Variants in C13orf46 observed in about 807,000 individuals in gnomAD.
C13orf46 encodes chromosome 13 open reading frame 46, also known as uncharacterized protein C13orf46.
intron 6 of C13orf46, among the ~76,000 whole-genome samples, chr13:113,958,641 G>A (rs915128954): frequency 6.6e-6 from 1 of 152,254 alleles, no homozygotes; most frequent in Non-Finnish European, 1.5e-5. Context: ...TGGGGCAATG[G>A]ACAGACGGCT....
intron 6 of C13orf46, among the ~76,000 whole-genome samples, chr13:113,958,772 G>A (rs2052563286): frequency 6.6e-6 from 1 of 152,110 alleles, no homozygotes; most frequent in Non-Finnish European, 1.5e-5. Context: ...CTAGCGGACT[G>A]CCCAGGGACA....
At chr13:113,942,887 G>A in the C13orf46 span, among the ~76,000 whole-genome samples, 4 of 152,210 alleles carry the variant, frequency 2.6e-5, no homozygotes, top group Admixed American at 2.0e-4. Context: ...CCCAGTGCCC[G>A]CCGGAGGTGA....
At chr13:113,960,255 C>A (rs1470701675) in intron 6 of C13orf46, among the ~76,000 whole-genome samples, 6 of 150,722 alleles carry the variant, frequency 4.0e-5, no homozygotes, top group Admixed American at 1.3e-4. Context: ...GACTCTGTCT[C>A]AAAAAAAAAG....
chr13:113,955,186 AGAG>A lies in C13orf46; in HGVS notation c.*1584_*1586del, dbSNP rs1440541499. Reference sequence around the variant, plus strand: ...CGAGGAGAGGAGGAGCATCTGGTGGAGAGGAGGAGCATCCCGTGGAGACGAGGA... The same window carrying A: ...CGAGGAGAGGAGGAGCATCTGGTGGAGAGGAGCATCCCGTGGAGACGAGGA... On this transcript the variant is annotated 3_prime_UTR_variant, in exon 7 of 7. Coordinates refer to ENST00000636427, the MANE Select transcript of C13orf46 (RefSeq NM_001365455.2). 1.0e-5 allele frequency: 2 copies of A among 198,672 alleles called. No individual in the cohort carries two copies. The highest frequency in any genetic ancestry group is 2.0e-5 in the Non-Finnish European group (2 of 101,646). The allele number at this position is 198,672 out of a possible 1,614,324, so 12.3% of individuals were successfully genotyped here. A position where few individuals can be genotyped will look rare whatever the true frequency, so the allele number is the denominator to read the frequency against.
At chr13:113,949,548 CCGGATTCCTCT>C (rs1365801321), downstream of C13orf46, among the ~76,000 whole-genome samples, 1 of 152,240 alleles carries the variant, frequency 6.6e-6, no homozygotes, top group African/African-American at 2.4e-5. Flanking sequence ...GGAGTGCTCT[CCGGATTCCTCT>C]TTTTGCCTAA....
chr13:113,927,263 T>A, the C13orf46 span: 3 of 327,186 alleles, frequency 9.2e-6, no homozygotes, highest in East Asian at 1.4e-4. Context: ...AACTCTCAGC[T>A]AGGGGCTAAG....
the C13orf46 span, among the ~76,000 whole-genome samples, chr13:113,945,608 G>T: frequency 1.7e-5 from 1 of 57,380 alleles, no homozygotes; most frequent in Non-Finnish European, 3.6e-5. Flanking sequence ...AAAGAAAGAA[G>T]AAAGAAAGAA....
the C13orf46 span, among the ~76,000 whole-genome samples, chr13:113,940,133 G>A: frequency 0.05 from 7,616 of 152,318 alleles, 277 homozygotes; most frequent in South Asian, 0.093. Flanking sequence ...CGGGGGCTGC[G>A]CCTCGGCCTC....
intron 5 of C13orf46, among the ~76,000 whole-genome samples, chr13:113,965,854 GTGGTGATGATGGTGATGGTGA>G (rs2052635969): frequency 8.0e-6 from 1 of 125,108 alleles, no homozygotes; most frequent in Non-Finnish European, 1.7e-5. Flanking sequence ...GATGGTGATG[GTGGTGATGATGGTGATGGTGA>G]TGATGGTGGT....
At chr13:113,936,656 G>T in the C13orf46 span, among the ~76,000 whole-genome samples, 1 of 152,162 alleles carries the variant, frequency 6.6e-6, no homozygotes, top group African/African-American at 2.4e-5. Context: ...AGAGACCAGG[G>T]TCTCTCAAGG....
At chr13:113,941,459 G>A in the C13orf46 span, among the ~76,000 whole-genome samples, 23 of 142,230 alleles carry the variant, frequency 1.6e-4, no homozygotes, top group Admixed American at 4.9e-4. Context: ...GAGCGTTCGA[G>A]ATCCTGGTCT....
intron 2 of C13orf46, among the ~76,000 whole-genome samples, chr13:113,969,412 T>C (rs1344663860): frequency 6.6e-6 from 1 of 152,244 alleles, no homozygotes; most frequent in African/African-American, 2.4e-5. Flanking sequence ...TCAGCTTCCC[T>C]GAGCTCTACG....
the C13orf46 span, among the ~76,000 whole-genome samples, chr13:113,929,006 A>G: frequency 2.2e-4 from 34 of 152,226 alleles, no homozygotes; most frequent in Admixed American, 1.0e-3. Flanking sequence ...GCCGGAACCA[A>G]TGGGCTCCAG....
At chr13:113,972,357 G>A (rs1238861205) in intron 1 of C13orf46, among the ~76,000 whole-genome samples, 1 of 152,192 alleles carries the variant, frequency 6.6e-6, no homozygotes, top group Non-Finnish European at 1.5e-5. Context: ...ACTCAGAGAA[G>A]AACACATATT....
At position 113,954,052 on chromosome 13, in the gene C13orf46, G is replaced by A. The variant is rs2052501254; in HGVS notation, c.*2721C>T. 1 of 152,270 alleles carries A rather than the reference G, an allele frequency of 6.6e-6. No individual in the cohort carries two copies. Among genetic ancestry groups the A allele is most frequent in the South Asian group, 2.1e-4 (1 of 4,834 alleles). 9.4% of individuals were successfully genotyped at this position (152,270 alleles called of 1,614,324 possible). On this transcript the variant is annotated 3_prime_UTR_variant, in exon 7 of 7. Coordinates refer to ENST00000636427, the MANE Select transcript of C13orf46 (RefSeq NM_001365455.2). Reference sequence around the variant, plus strand: ...GGATGGTGCCCCACTTTGATCAGAGGAAACTACCCAGTGGGACAAGCTCTG... The same window carrying A: ...GGATGGTGCCCCACTTTGATCAGAGAAAACTACCCAGTGGGACAAGCTCTG...
chr13:113,969,273 G>A (rs909720731), intron 2 of C13orf46, among the ~76,000 whole-genome samples: 2 of 152,240 alleles, frequency 1.3e-5, no homozygotes, highest in African/African-American at 2.4e-5. Flanking sequence ...CAGGGGCTCC[G>A]CCACCATCTG....
At chr13:113,930,813 G>A in the C13orf46 span, among the ~76,000 whole-genome samples, 12 of 152,184 alleles carry the variant, frequency 7.9e-5, no homozygotes, top group African/African-American at 2.7e-4. Flanking sequence ...TAGCAGCCCC[G>A]GTCCTCCAGG....
Position 113,971,831 on chromosome 13 carries a change from G to A in C13orf46, c.191-1609C>T, listed in dbSNP as rs142336341. Among the ~76,000 whole-genome samples the A allele has an allele frequency of 4.2e-3, 639 of 152,322 alleles. 11 individuals are homozygous for A. Among genetic ancestry groups the A allele is most frequent in the African/African-American group, 0.015 (618 of 41,578 alleles). Reference sequence around the variant, plus strand: ...ACTCTACCAGTGGTCAGCAAGGCCCGGCCCTTCTCCTCGGGTCACAGGGCT... The same window carrying A: ...ACTCTACCAGTGGTCAGCAAGGCCCAGCCCTTCTCCTCGGGTCACAGGGCT... On this transcript the variant is annotated intron_variant, in intron 1 of 6. Transcript: ENST00000636427.
intron 6 of C13orf46, among the ~76,000 whole-genome samples, chr13:113,960,986 G>A (rs1447281092): frequency 6.6e-6 from 1 of 152,162 alleles, no homozygotes; most frequent in East Asian, 1.9e-4. Flanking sequence ...CTTTAAAAGG[G>A]TTATGGTTTT....
Sources: allele counts gnomAD v4.1 joint callset (sites outside exome capture counted in the v4.1 genomes callset), GRCh38; gene constraint gnomAD v4.1.1; transcripts MANE v1.5; gene names NCBI Gene and HGNC (gene_info 2026-07-23, HGNC 2026-07-21).